FBN3: variants seen among roughly 807,000 people sequenced by gnomAD.
FBN3 encodes the protein fibrillin-3.
FBN3 carries 234 observed loss-of-function variants against 330.1 expected under a neutral mutation model. That is an observed-to-expected ratio of 0.71 (90% CI 0.64 to 0.79). FBN3 has a LOEUF of 0.79. Ranked by LOEUF, FBN3 falls within the 30% of genes least tolerant of loss-of-function variation. The pLI, the probability that FBN3 is intolerant of heterozygous loss-of-function variation, is 0.00. For synonymous variants in FBN3, 1,458 were observed against 1,517.3 expected, an observed-to-expected ratio of 0.96 and a Z score of 0.91; for missense variants, 3,606 against 3,886.9, an observed-to-expected ratio of 0.93 and a Z score of 1.92.
In FBN3 at chr19:8,115,744, G is replaced by A. The variant is rs562834485; in HGVS notation, c.3713-104C>T. Reference sequence around the variant, plus strand: ...GATCACCAGCATTCCTGACTGTCCCGCCGCACAGGTCCTCTCTGCTAGGAC... The same window carrying A: ...GATCACCAGCATTCCTGACTGTCCCACCGCACAGGTCCTCTCTGCTAGGAC... On this transcript the variant is annotated intron_variant, in intron 29 of 63. Transcript: ENST00000600128. 4.3e-5 allele frequency: 57 copies of A among 1,328,834 alleles called. No homozygotes were observed. The Middle Eastern group carries it at 5.6e-4, about 13-fold the overall frequency. The allele number at this position is 1,328,834 out of a possible 1,614,324, so 82.3% of individuals were successfully genotyped here. A position where few individuals can be genotyped will look rare whatever the true frequency, so the allele number is the denominator to read the frequency against.
chr19:8,098,917 G>A (rs2082268638), intron 41 of FBN3, among the ~76,000 whole-genome samples: 1 of 152,144 alleles, frequency 6.6e-6, no homozygotes, highest in South Asian at 2.1e-4. Context: ...GTGGGGGACT[G>A]GAAATTACCT....
At chr19:8,072,941 TAAATTCTTGGCATGCACAAAGCCCC>T (rs1468966243) in intron 62 of FBN3, 97 bp downstream of exon 62, 1 of 816,318 alleles carries the variant, frequency 1.2e-6, no homozygotes, top group Non-Finnish European at 2.0e-6. Flanking sequence ...GCTCTTCTGG[TAAATTCTTGGCATGCACAAAGCCCC>T]GTGTGTGTGT....
chr19:8,072,876 G>A (rs988013959), intron 62 of FBN3, among the ~76,000 whole-genome samples, 187 bp downstream of exon 62: 23 of 151,990 alleles, frequency 1.5e-4, no homozygotes, highest in African/African-American at 4.6e-4. Context: ...GTACCTCTGC[G>A]TGTCCAGGAC....
At chr19:8,126,106 GAGGA>G in intron 21 of FBN3, 89 bp from the exon 22 acceptor site, 2 of 1,575,040 alleles carry the variant, frequency 1.3e-6, no homozygotes, top group East Asian at 2.2e-5. Flanking sequence ...TGTCCTTGAG[GAGGA>G]AGGAAGGGGA....
At chr19:8,079,667 T>C (rs1340596796) in intron 59 of FBN3, among the ~76,000 whole-genome samples, 2 of 152,210 alleles carry the variant, frequency 1.3e-5, no homozygotes, top group Non-Finnish European at 2.9e-5. Flanking sequence ...CTCGGCTCAC[T>C]GCAATCTCCA....
chr19:8,089,726 C>T, intron 50 of FBN3, 56 bp from the exon 51 acceptor site: 1 of 1,603,104 alleles, frequency 6.2e-7, no homozygotes, highest in East Asian at 2.2e-5. Context: ...TCGCCAGAGC[C>T]CTGGCCACAC....
intron 13 of FBN3, 25 bp downstream of exon 13, chr19:8,135,936 G>GGGGGGGGGGGCGCCCCCCCC: frequency 1.5e-6 from 1 of 668,778 alleles, no homozygotes; most frequent in Non-Finnish European, 2.4e-6. Context: ...GGAAGCCCCT[G>GGGGGGGGGGGCGCCCCCCCC]CCCACCCGCC....
At position 8,087,171 on chromosome 19, in the gene FBN3, G is replaced by A. The variant is rs1173003161; in HGVS notation, c.6660C>T (p.Ala2220=). The A allele has an allele frequency of 6.2e-7, 1 of 1,606,844 alleles. No homozygotes were observed. Among genetic ancestry groups the A allele is most frequent in the Admixed American group, 1.7e-5 (1 of 58,926 alleles). Residue 2220 remains alanine, a synonymous_variant, in exon 54 of 64, where the codon GCC becomes GCT. Transcript: ENST00000600128. ...ECADGQQDCH[A]RGMECKNLIG... is the part of the protein sequence containing the mutation. Reference sequence around the variant, plus strand: ...TGAGGTTCTTGCACTCCATGCCCCGGGCGTGGCAGTCCTGCTGACCATCTG... The same window carrying A: ...TGAGGTTCTTGCACTCCATGCCCCGAGCGTGGCAGTCCTGCTGACCATCTG...
At chr19:8,139,725 G>A (rs1245218305) in intron 8 of FBN3, among the ~76,000 whole-genome samples, 1 of 151,910 alleles carries the variant, frequency 6.6e-6, no homozygotes, top group East Asian at 1.9e-4. Flanking sequence ...ACTTCCCACT[G>A]CGCCCTCAAG....
intron 18 of FBN3, 45 bp downstream of exon 18, chr19:8,128,983 A>C (rs769391186): frequency 1.3e-6 from 2 of 1,578,048 alleles, no homozygotes; most frequent in Admixed American, 3.5e-5. Context: ...AGTATGTTGG[A>C]GCATATGTGT....
At chr19:8,117,075 A>G (rs1379060022) in intron 28 of FBN3, 94 bp downstream of exon 28, 2 of 1,542,280 alleles carry the variant, frequency 1.3e-6, no homozygotes, top group African/African-American at 2.7e-5. Flanking sequence ...TGGCTTCACT[A>G]TGCTGTGCTG....
At chr19:8,112,173 G>A in intron 30 of FBN3, 74 bp from the exon 31 acceptor site, 2 of 1,503,676 alleles carry the variant, frequency 1.3e-6, no homozygotes, top group South Asian at 1.2e-5. Flanking sequence ...AGCGGAAAGG[G>A]CAGGGACTCT....
At chr19:8,147,076 C>T (rs775255202) in intron 3 of FBN3, 28 bp downstream of exon 3, 2 of 1,538,188 alleles carry the variant, frequency 1.3e-6, no homozygotes, top group East Asian at 2.4e-5. Context: ...CCTGTGCCCC[C>T]CCACCTCCAG....
chr19:8,106,257 G>A, intron 37 of FBN3, 24 bp from the exon 38 acceptor site: 1 of 1,613,888 alleles, frequency 6.2e-7, no homozygotes, highest in Non-Finnish European at 8.5e-7. Flanking sequence ...AGGAAGCCAA[G>A]CTTGGGAGCT....
chr19:8,121,375 A>G lies in FBN3; in HGVS notation c.3094T>C (p.Cys1032Arg). 6.3e-7 allele frequency: 1 copy of G among 1,599,860 alleles called. No individual in the cohort carries two copies. The highest frequency in any genetic ancestry group is 8.5e-7 in the Non-Finnish European group (1 of 1,174,134). ...QERNCTDIDE[C>R]RISPDLCGQG... ...CCGCAGAGGTCAGGAGAGATGCGAC[A>G]CTCGTCGATATCTGTGGGGAGAGGG... The change falls in exon 25 of 64, where the codon TGT becomes CGT. Residue 1032 changes from cysteine (C) to arginine (R), a missense_variant. Cys to Arg is a radical substitution (Grantham distance 180). Coordinates refer to ENST00000600128, the MANE Select transcript of FBN3 (RefSeq NM_032447.5). This position sits in a 1 kb window ranked among gnomAD's most constrained non-coding sequence, Gnocchi z 4.5.
Position 8,136,483 on chromosome 19 carries a change from TTGG to T in FBN3, c.1247_1249del (p.Thr416del), listed in dbSNP as rs753690137. The T allele has an allele frequency of 1.2e-5, 19 of 1,613,994 alleles. No homozygotes were observed. The South Asian group carries it at 1.8e-4, about 15-fold the overall frequency. On this transcript the variant is annotated inframe_deletion, in exon 11 of 64. Transcript: ENST00000600128. ...CAGGCAGCGGCCATTCAGACACAGGTTGGTGAAGTGTCGGCAGATGTCAATGGT... is the reference window on the plus strand; with the variant it reads ...CAGGCAGCGGCCATTCAGACACAGGTTGAAGTGTCGGCAGATGTCAATGGT...
chr19:8,092,177 C>CA (rs138095815), intron 47 of FBN3, among the ~76,000 whole-genome samples: 287 of 115,494 alleles, frequency 2.5e-3, no homozygotes, highest in Middle Eastern at 4.9e-3. Flanking sequence ...GACTCTGTCT[C>CA]AAAAAAAAAA....
chr19:8,073,071 AG>A lies in FBN3; in HGVS notation c.7928del (p.Ala2643ValfsTer55). 3 of 1,606,546 alleles carry A rather than the reference AG, an allele frequency of 1.9e-6. No individual in the cohort carries two copies. In the South Asian group the frequency reaches 3.3e-5, roughly 18 times the overall value. On this transcript the variant is annotated frameshift_variant, in exon 62 of 64. Coordinates refer to ENST00000600128, the MANE Select transcript of FBN3 (RefSeq NM_032447.5). LOFTEE classifies it high-confidence loss of function. The stretch of plus-strand genomic sequence containing the variant: ...CCACTCCAGCCTCTCACCCTTGCCC[AG>A]CCCGGAAGTAGCCTTGAGGACAGCC... ...LCGCPQGYFR[A>X]GQGHCVSGLG...
At position 8,138,437 on chromosome 19, in the gene FBN3, A is replaced by G. The variant is rs770512616; in HGVS notation, c.993T>C (p.Pro331=). 5 of 1,612,836 alleles carry G rather than the reference A, an allele frequency of 3.1e-6. No homozygotes were observed. In the Admixed American group the frequency reaches 8.3e-5, roughly 27 times the overall value. Residue 331 remains proline (P), a synonymous_variant, in exon 9 of 64, where the codon CCT becomes CCC. Coordinates refer to ENST00000600128, the MANE Select transcript of FBN3 (RefSeq NM_032447.5). ...TGGAGCCCCGAGGAGGACACAGCTCAGGGACCGGGCCAGCTGCCCAGCACC... is the reference window on the plus strand; with the variant it reads ...TGGAGCCCCGAGGAGGACACAGCTCGGGGACCGGGCCAGCTGCCCAGCACC... ...RGRCWAAGPV[P]ELCPPRGSNE...
Sources: gnomAD v4.1 joint callset for allele counts (sites outside exome capture counted in the v4.1 genomes callset) on GRCh38, gnomAD v4.1.1 for gene constraint, Gnocchi (gnomAD v3.1) non-coding constraint, MANE v1.5 for transcripts, NCBI Gene and HGNC (gene_info 2026-07-23, HGNC 2026-07-21) for gene names.